The following SETBP1 variants were observed in gnomAD, a reference collection of about 807,000 sequenced individuals.
The protein encoded by SETBP1 is SET binding protein 1.
SETBP1 carries 9 observed loss-of-function variants against 101.0 expected under a neutral mutation model. The observed-to-expected ratio is 0.09, with a 90% CI of 0.05 to 0.16. The LOEUF is 0.16. SETBP1 is among the 10% of genes least tolerant of loss of function. The pLI, the probability that SETBP1 is intolerant of heterozygous loss-of-function variation, is 1.00. For synonymous variants in SETBP1, 818 were observed against 788.5 expected, an observed-to-expected ratio of 1.04 and a Z score of -0.63; for missense variants, 1,858 against 2,033.8, an observed-to-expected ratio of 0.91 and a Z score of 1.66.
intron 3 of SETBP1, among the ~76,000 whole-genome samples, chr18:44,937,498 C>G (rs1300209776): frequency 6.7e-6 from 1 of 149,992 alleles, no homozygotes; most frequent in Non-Finnish European, 1.5e-5. Flanking sequence ...CTGCTAGTTT[C>G]TAGACAAGGA....
intron 3 of SETBP1, among the ~76,000 whole-genome samples, chr18:44,898,517 A>G (rs562021867): frequency 2.0e-4 from 30 of 152,198 alleles, no homozygotes; most frequent in African/African-American, 7.2e-4. Context: ...CCAGATGTGT[A>G]TTTTCAAATG....
At chr18:44,849,282 C>T (rs191673306) in intron 2 of SETBP1, among the ~76,000 whole-genome samples, 12 of 152,264 alleles carry the variant, frequency 7.9e-5, no homozygotes, top group African/African-American at 2.9e-4. Context: ...CACTTCTCAA[C>T]CTCTGTTCTA....
chr18:44,952,835 G>T lies in SETBP1; in HGVS notation c.3495G>T (p.Gly1165=), dbSNP rs1480341189. 6.2e-7 allele frequency: 1 copy of T among 1,614,108 alleles called. No homozygotes were observed. The highest frequency in any genetic ancestry group is 1.1e-5 in the South Asian group (1 of 91,078). ...AGCACAAGGAAGACCGGATCCTAGG[G>T]ACCCATGACAACCTGAGTGGTCTTT... The part of the protein sequence containing the change: ...KHKHKEDRIL[G]THDNLSGLFA... Residue 1165 remains glycine, a synonymous_variant, in exon 4 of 6, where the codon GGG becomes GGT. Transcript: ENST00000649279.
At chr18:44,836,854 A>G (rs1055727648) in intron 2 of SETBP1, among the ~76,000 whole-genome samples, 5 of 152,138 alleles carry the variant, frequency 3.3e-5, no homozygotes, top group African/African-American at 1.2e-4. Flanking sequence ...GCCTGTGAGG[A>G]ACAAGGACAT....
intron 1 of SETBP1, among the ~76,000 whole-genome samples, chr18:44,684,335 G>A (rs1343343660): frequency 2.6e-5 from 4 of 152,200 alleles, no homozygotes; most frequent in Admixed American, 6.5e-5. Flanking sequence ...ACACCAGGAT[G>A]TCCACAGACT....
At chr18:44,980,578 T>C (rs1020877004) in intron 4 of SETBP1, among the ~76,000 whole-genome samples, 1 of 152,080 alleles carries the variant, frequency 6.6e-6, no homozygotes, top group African/African-American at 2.4e-5. Flanking sequence ...GCCTCTCCCG[T>C]CTCTTACAAA....
At position 44,720,034 on chromosome 18, in the gene SETBP1, C is replaced by T. The variant is rs140210268; in HGVS notation, c.486+18202C>T. Among the ~76,000 whole-genome samples, 568 of 152,264 alleles carry T rather than the reference C, an allele frequency of 3.7e-3. 5 individuals are homozygous for T. The highest frequency in any genetic ancestry group is 9.4e-3 in the African/African-American group (389 of 41,544). ...TGAGGACCTCAGCTGAAGAGGGTGG[C>T]GCGCATTGGTTTGCATGTTAGAGAG... On this transcript the variant is annotated intron_variant, in intron 2 of 5. Transcript: ENST00000649279.
At chr18:44,962,150 C>G (rs2071625525) in intron 4 of SETBP1, among the ~76,000 whole-genome samples, 1 of 152,174 alleles carries the variant, frequency 6.6e-6, no homozygotes, top group East Asian at 1.9e-4. Context: ...CAAGTTTAAT[C>G]CATGCTAACT....
chr18:44,846,728 C>T (rs1401440223), intron 2 of SETBP1, among the ~76,000 whole-genome samples: 1 of 152,216 alleles, frequency 6.6e-6, no homozygotes, highest in Non-Finnish European at 1.5e-5. Context: ...AGTAATCTTC[C>T]AAAGCCTAGT....
intron 2 of SETBP1, among the ~76,000 whole-genome samples, chr18:44,802,243 G>C (rs376127529): frequency 7.0e-4 from 106 of 152,238 alleles, no homozygotes; most frequent in Non-Finnish European, 1.1e-3. Context: ...TTCTATGATA[G>C]TTTCTGCTCA....
intron 2 of SETBP1, among the ~76,000 whole-genome samples, chr18:44,763,790 G>A (rs956824667): frequency 6.6e-6 from 1 of 151,990 alleles, no homozygotes; most frequent in African/African-American, 2.4e-5. Flanking sequence ...CTTGGCTTCT[G>A]GGACACCGCT....
At chr18:44,851,113 C>T (rs1394738448) in intron 2 of SETBP1, among the ~76,000 whole-genome samples, 1 of 152,144 alleles carries the variant, frequency 6.6e-6, no homozygotes, top group African/African-American at 2.4e-5. Flanking sequence ...ATATTGTCAT[C>T]ATCATCATCA....
At position 44,682,254 on chromosome 18, in the gene SETBP1, G is replaced by A. The variant is rs893351824; in HGVS notation, c.-173+1233G>A. ...ACGTGCAAAGCATGTGTGTGTCGTGGGAGAAAGGGGATGGGGTAGAGAAGA... is the reference window on the plus strand; with the variant it reads ...ACGTGCAAAGCATGTGTGTGTCGTGAGAGAAAGGGGATGGGGTAGAGAAGA... On this transcript the variant is annotated intron_variant, in intron 1 of 5. Transcript: ENST00000649279. Among the ~76,000 whole-genome samples, 3 of 152,152 alleles carry A rather than the reference G, an allele frequency of 2.0e-5. No individual in the cohort carries two copies. In the East Asian group the frequency reaches 5.8e-4, roughly 29 times the overall value.
intron 2 of SETBP1, among the ~76,000 whole-genome samples, chr18:44,796,389 A>C (rs1568149917): frequency 1.3e-5 from 2 of 152,236 alleles, no homozygotes; most frequent in South Asian, 4.1e-4. Context: ...AGAATTATCT[A>C]GTGGTAATCT....
intron 3 of SETBP1, among the ~76,000 whole-genome samples, chr18:44,897,755 T>A (rs1318120229): frequency 6.6e-6 from 1 of 152,174 alleles, no homozygotes; most frequent in East Asian, 1.9e-4. Context: ...TCTTTTTAGA[T>A]GGAGGAAGAC....
At chr18:44,848,119 A>G (rs1023205368) in intron 2 of SETBP1, among the ~76,000 whole-genome samples, 1 of 151,496 alleles carries the variant, frequency 6.6e-6, no homozygotes, top group East Asian at 1.9e-4. Context: ...TATGTAAATC[A>G]CCAGGTGATT....
At chr18:45,034,574 C>T (rs1057088108) in intron 4 of SETBP1, among the ~76,000 whole-genome samples, 3 of 152,094 alleles carry the variant, frequency 2.0e-5, no homozygotes, top group Non-Finnish European at 2.9e-5. Context: ...TAGGTTATAG[C>T]GGAATGTTTT....
At chr18:44,819,504 C>T (rs2072057575) in intron 2 of SETBP1, among the ~76,000 whole-genome samples, 1 of 152,184 alleles carries the variant, frequency 6.6e-6, no homozygotes, top group Non-Finnish European at 1.5e-5. Context: ...AGCTTTTTCT[C>T]TCACTTAATC....
At chr18:44,858,721 G>A (rs1374267053) in intron 2 of SETBP1, among the ~76,000 whole-genome samples, 1 of 152,188 alleles carries the variant, frequency 6.6e-6, no homozygotes, top group African/African-American at 2.4e-5. Context: ...GCACAAGACT[G>A]TTCTTGCCAC....
Sources: allele counts gnomAD v4.1 joint callset (sites outside exome capture counted in the v4.1 genomes callset), GRCh38; gene constraint gnomAD v4.1.1; transcripts MANE v1.5; gene names NCBI Gene and HGNC (gene_info 2026-07-23, HGNC 2026-07-21).